Variants in TRHDE observed in about 807,000 individuals in gnomAD.
The protein encoded by TRHDE is thyrotropin releasing hormone degrading enzyme.
TRHDE carries 72 observed loss-of-function variants against 125.7 expected under a neutral mutation model. That is an observed-to-expected ratio of 0.57 (90% CI 0.47 to 0.70). The LOEUF is 0.70. TRHDE is among the 30% of genes least tolerant of loss of function. The probability of loss-of-function intolerance (pLI) is 0.00; values close to 1 mark genes in which losing one functional copy is unlikely to be tolerated. For missense variants in TRHDE, 1,110 were observed against 1,327.1 expected (o/e 0.84, Z 2.54); for synonymous variants, 509 against 509.1 (o/e 1.00, Z 0.00).
chr12:72,127,760 C>G (rs1429872570), intron 2 of TRHDE, among the ~76,000 whole-genome samples: 1 of 152,114 alleles, frequency 6.6e-6, no homozygotes, highest in African/African-American at 2.4e-5. Flanking sequence ...ATATTCCAAA[C>G]CCCTGCATCA....
chr12:72,363,850 A>G (rs1871227452), intron 2 of TRHDE, among the ~76,000 whole-genome samples: 1 of 152,026 alleles, frequency 6.6e-6, no homozygotes, highest in African/African-American at 2.4e-5. Context: ...TGCAGACGAC[A>G]TGATTGTATA....
At chr12:72,431,135 A>C (rs758484614) in intron 3 of TRHDE, among the ~76,000 whole-genome samples, 3 of 152,058 alleles carry the variant, frequency 2.0e-5, no homozygotes, top group Non-Finnish European at 4.4e-5. Context: ...GAACTATTTT[A>C]TTAGTCTTTG....
intron 1 of TRHDE, among the ~76,000 whole-genome samples, chr12:72,280,548 G>A (rs1003124274): frequency 6.6e-6 from 1 of 151,974 alleles, no homozygotes; most frequent in African/African-American, 2.4e-5. Flanking sequence ...AGAGGAGCCT[G>A]GTCACCAGAA....
intron 2 of TRHDE, among the ~76,000 whole-genome samples, chr12:72,221,424 GTTTA>G (rs1052255312): frequency 2.0e-5 from 3 of 151,982 alleles, no homozygotes; most frequent in African/African-American, 4.8e-5. Context: ...AATCTTTTTT[GTTTA>G]TTTATCTTCA....
At position 72,304,755 on chromosome 12, in the gene TRHDE, A is replaced by G. The variant is rs116506955; in HGVS notation, c.1188+17801A>G. Among the ~76,000 whole-genome samples the G allele has an allele frequency of 9.5e-3, 1,440 of 152,292 alleles. 21 individuals carry two copies. Among genetic ancestry groups the G allele is most frequent in the African/African-American group, 0.033 (1,366 of 41,550 alleles). On this transcript the variant is annotated intron_variant, in intron 2 of 18. Transcript: ENST00000261180. ...TTCTAGAATTCTTTTGATTCCCACT[A>G]TCACCATGCCAGATTACACATCTAA... is the stretch of plus-strand genomic sequence containing the variant.
At chr12:72,136,948 G>A (rs1445462736) in intron 2 of TRHDE, among the ~76,000 whole-genome samples, 1 of 152,174 alleles carries the variant, frequency 6.6e-6, no homozygotes, top group Middle Eastern at 3.2e-3. Context: ...ACAGCAGTGT[G>A]TACTTTGGTC....
intron 2 of TRHDE, among the ~76,000 whole-genome samples, chr12:72,366,944 T>A (rs1318340229): frequency 6.6e-6 from 1 of 152,136 alleles, no homozygotes; most frequent in Non-Finnish European, 1.5e-5. Context: ...ATATTCATTA[T>A]ATGTATCTGT....
At chr12:72,112,148 G>C (rs1184626140) in intron 2 of TRHDE, among the ~76,000 whole-genome samples, 1 of 152,102 alleles carries the variant, frequency 6.6e-6, no homozygotes, top group Non-Finnish European at 1.5e-5. Flanking sequence ...GAGCCAGGAG[G>C]GGACTGTGAA....
intron 2 of TRHDE, among the ~76,000 whole-genome samples, chr12:72,153,546 TC>T (rs910376058): frequency 2.0e-5 from 3 of 152,332 alleles, no homozygotes; most frequent in African/African-American, 7.2e-5. Context: ...GCTATAAATT[TC>T]CCTCTACACA....
chr12:72,572,076 T>C (rs766628885), intron 10 of TRHDE, among the ~76,000 whole-genome samples: 8 of 114,806 alleles, frequency 7.0e-5, no homozygotes, highest in Non-Finnish European at 1.1e-4. Flanking sequence ...TATGATGTCT[T>C]TGATATGCAC....
chr12:72,573,960 T>G (rs1485966665), intron 10 of TRHDE, among the ~76,000 whole-genome samples: 1 of 152,030 alleles, frequency 6.6e-6, no homozygotes, highest in African/African-American at 2.4e-5. Flanking sequence ...AGATTAAATT[T>G]TTATATTCAG....
At chr12:72,247,156 A>C (rs192742048) in intron 2 of TRHDE, among the ~76,000 whole-genome samples, 1 of 152,330 alleles carries the variant, frequency 6.6e-6, no homozygotes, top group Admixed American at 6.5e-5. Context: ...CATGTATATT[A>C]AAGCACATCT....
rs145737367 is a variant in TRHDE, at chr12:72,243,092, C to T, written n.280-134903C>T. Among the ~76,000 whole-genome samples the T allele has an allele frequency of 2.0e-5, 3 of 152,232 alleles. No individual in the cohort carries two copies. In the East Asian group the frequency reaches 5.8e-4, roughly 29 times the overall value. On this transcript the variant is annotated intron_variant and non_coding_transcript_variant, in intron 2 of 4. Transcript: ENST00000548156. ...ACTACTGCTGCCATTGTGTTACCAG[C>T]CTTGGGATACAGGCAACACCCAGAT...
chr12:72,595,586 G>T (rs1444444898), intron 12 of TRHDE, among the ~76,000 whole-genome samples: 3 of 152,042 alleles, frequency 2.0e-5, no homozygotes, highest in Non-Finnish European at 4.4e-5. Flanking sequence ...AAATATAATT[G>T]TTCCCTTTTT....
chr12:72,512,943 T>A (rs1412269810), intron 6 of TRHDE, among the ~76,000 whole-genome samples: 4 of 152,042 alleles, frequency 2.6e-5, no homozygotes, highest in Admixed American at 6.6e-5. Flanking sequence ...ACTGAATTGA[T>A]CTTTCCTATG....
chr12:72,616,867 C>A (rs1268038918), intron 12 of TRHDE, among the ~76,000 whole-genome samples: 1 of 151,888 alleles, frequency 6.6e-6, no homozygotes, highest in African/African-American at 2.4e-5. Context: ...TATATAATCA[C>A]CACACTAATT....
chr12:72,337,738 A>C (rs527752443), intron 2 of TRHDE, among the ~76,000 whole-genome samples: 8 of 152,004 alleles, frequency 5.3e-5, no homozygotes, highest in Non-Finnish European at 1.2e-4. Context: ...TTGCTGGTCT[A>C]GATTCACTGC....
chr12:72,248,917 T>A (rs1878628300), intron 2 of TRHDE, among the ~76,000 whole-genome samples: 1 of 152,210 alleles, frequency 6.6e-6, no homozygotes. Context: ...TATTACATTG[T>A]TGGTAATTCT....
At position 72,452,354 on chromosome 12, in the gene TRHDE, A is replaced by G. The variant is rs142689462; in HGVS notation, c.1316-17404A>G. Among the ~76,000 whole-genome samples the G allele has an allele frequency of 2.8e-3, 427 of 152,224 alleles. 2 individuals carry two copies. Among genetic ancestry groups the G allele is most frequent in the Non-Finnish European group, 4.7e-3 (321 of 68,012 alleles). On this transcript the variant is annotated intron_variant, in intron 3 of 18. Transcript: ENST00000261180. ...AGTAGTTTTTTTGGTGGGGTCTTCAAGGTTTTCAATATGTAAGATTGTGTC... is the reference window on the plus strand; with the variant it reads ...AGTAGTTTTTTTGGTGGGGTCTTCAGGGTTTTCAATATGTAAGATTGTGTC...
Sources: gnomAD v4.1 joint callset for allele counts (sites outside exome capture counted in the v4.1 genomes callset) on GRCh38, gnomAD v4.1.1 for gene constraint, MANE v1.5 for transcripts, NCBI Gene and HGNC (gene_info 2026-07-23, HGNC 2026-07-21) for gene names.